Variants in ARHGAP26 observed in about 807,000 individuals in gnomAD.
ARHGAP26 encodes rho GTPase-activating protein 26.
In ARHGAP26, 38 loss-of-function variants were observed where a neutral mutation model predicts 104.8. The observed-to-expected ratio is 0.36, with a 90% confidence interval of 0.28 to 0.48. The LOEUF (loss-of-function observed/expected upper bound fraction) is 0.48. Ranked by LOEUF, ARHGAP26 falls within the 20% of genes least tolerant of loss-of-function variation. The pLI is 0.99. For missense variants in ARHGAP26, 704 were observed against 947.9 expected (o/e 0.74, Z 3.38); for synonymous variants, 341 against 340.0 (o/e 1.00, Z -0.03).
intron 10 of ARHGAP26, among the ~76,000 whole-genome samples, chr5:142,918,303 C>T (rs1336632528): frequency 2.0e-5 from 3 of 152,176 alleles, no homozygotes; most frequent in East Asian, 1.9e-4. Flanking sequence ...TGCACCACCC[C>T]GTCTGGCTAA....
rs916187460 is a variant in ARHGAP26, at chr5:143,071,214, G to A, written c.1538+13467G>A. On this transcript the variant is annotated intron_variant, in intron 17 of 22. Coordinates refer to ENST00000645722, the MANE Select transcript of ARHGAP26 (RefSeq NM_001135608.3). ...CAAAGCTAGAGGTATCACACTACCT[G>A]ACCTCAAAATATACTACGAAGCTGT... Among the ~76,000 whole-genome samples the A allele has an allele frequency of 3.4e-5, 5 of 146,154 alleles. No individual in the cohort carries two copies. In the South Asian group the frequency reaches 6.8e-4, roughly 20 times the overall value.
intron 20 of ARHGAP26, among the ~76,000 whole-genome samples, chr5:143,149,072 G>A (rs1243027865): frequency 6.6e-6 from 1 of 151,982 alleles, no homozygotes; most frequent in Non-Finnish European, 1.5e-5. Context: ...AGAAGGCTTG[G>A]GATTTTTTGT....
intron 17 of ARHGAP26, among the ~76,000 whole-genome samples, chr5:143,094,364 T>C (rs1231791063): frequency 6.6e-6 from 1 of 152,186 alleles, no homozygotes; most frequent in African/African-American, 2.4e-5. Context: ...CTCGCGTTGC[T>C]GAGAGCTCAG....
chr5:143,001,065 A>G (rs1158519842), intron 11 of ARHGAP26, among the ~76,000 whole-genome samples: 1 of 152,190 alleles, frequency 6.6e-6, no homozygotes, highest in Non-Finnish European at 1.5e-5. Flanking sequence ...AGTGAAACAG[A>G]GTAGCTATAA....
chr5:143,135,142 A>G (rs1002623436), intron 19 of ARHGAP26, among the ~76,000 whole-genome samples: 42 of 152,228 alleles, frequency 2.8e-4, no homozygotes, highest in African/African-American at 9.9e-4. Context: ...GTAGCAGAAC[A>G]CAGTGGTTAA....
In ARHGAP26 at chr5:142,885,795, C is replaced by T. The variant is rs144476329; in HGVS notation, c.486+396C>T. On this transcript the variant is annotated intron_variant, in intron 5 of 22. Transcript: ENST00000645722. ...TCAGTGATTTGAAATGTTAGCATCT[C>T]AAACACTTTGGTTATCCTTCCTTAA... Among the ~76,000 whole-genome samples the T allele has an allele frequency of 2.4e-4, 36 of 152,350 alleles. 1 individual carries two copies. The East Asian group carries it at 3.5e-3, about 15-fold the overall frequency.
chr5:143,213,519 C>T (rs1027182681), intron 21 of ARHGAP26, among the ~76,000 whole-genome samples: 12 of 152,222 alleles, frequency 7.9e-5, no homozygotes, highest in African/African-American at 2.4e-4. Flanking sequence ...CATGTCCGCC[C>T]GTGGCCTGGA....
Position 142,949,209 on chromosome 5 carries a change from GA to G in ARHGAP26, c.1107+17085del, listed in dbSNP as rs1562136756. ...AGAGAGAGAGAGAGAGAGAGAGAGA[GA>G]GAGAGAGAGAGGAGAGAGAGAGGAG... On this transcript the variant is annotated intron_variant, in intron 11 of 22. Coordinates refer to ENST00000645722, the MANE Select transcript of ARHGAP26 (RefSeq NM_001135608.3). 1.2e-3 allele frequency among the ~76,000 whole-genome samples: 78 copies of G among 62,960 alleles called. 3 individuals are homozygous for G. The highest frequency in any genetic ancestry group is 6.2e-3 in the African/African-American group (49 of 7,910). 41.3% of individuals were successfully genotyped at this position (62,960 alleles called of 152,430 possible). A position where few individuals can be genotyped will look rare whatever the true frequency, so the allele number is the denominator to read the frequency against.
intron 1 of ARHGAP26, among the ~76,000 whole-genome samples, chr5:142,788,975 G>A (rs1759226284): frequency 6.6e-6 from 1 of 152,238 alleles, no homozygotes; most frequent in Non-Finnish European, 1.5e-5. Context: ...CGGAAGCATA[G>A]AGAGATTAAG....
chr5:143,012,540 T>TATACATAC (rs1554195555), intron 11 of ARHGAP26, among the ~76,000 whole-genome samples: 1 of 41,070 alleles, frequency 2.4e-5, no homozygotes, highest in African/African-American at 7.9e-5. Context: ...GATATATTTA[T>TATACATAC]ATACATACAT....
intron 20 of ARHGAP26, among the ~76,000 whole-genome samples, chr5:143,170,982 G>A (rs1422535338): frequency 2.0e-5 from 3 of 152,144 alleles, no homozygotes; most frequent in Non-Finnish European, 2.9e-5. Context: ...CAGAGAATGA[G>A]TACCTAAAAA....
intron 12 of ARHGAP26, among the ~76,000 whole-genome samples, chr5:143,014,859 C>G (rs1779368980): frequency 6.6e-6 from 1 of 152,164 alleles, no homozygotes. Context: ...AAAGGAAATC[C>G]TGTCACCTTG....
chr5:143,158,522 C>T (rs942264384), intron 20 of ARHGAP26, among the ~76,000 whole-genome samples: 9 of 152,074 alleles, frequency 5.9e-5, no homozygotes, highest in African/African-American at 2.2e-4. Context: ...GCCTAGGACT[C>T]TGTGTTGATT....
At chr5:142,942,046 A>G (rs1472657169) in intron 11 of ARHGAP26, among the ~76,000 whole-genome samples, 1 of 152,114 alleles carries the variant, frequency 6.6e-6, no homozygotes, top group Non-Finnish European at 1.5e-5. Flanking sequence ...TGCCCAGCAC[A>G]GTGGCTGGCA....
intron 8 of ARHGAP26, among the ~76,000 whole-genome samples, chr5:142,905,905 G>A (rs1384805721): frequency 6.6e-6 from 1 of 152,074 alleles, no homozygotes; most frequent in Non-Finnish European, 1.5e-5. Context: ...ATCAATAATG[G>A]CCTTCTAAAG....
intron 17 of ARHGAP26, among the ~76,000 whole-genome samples, chr5:143,063,281 C>G (rs528899029): frequency 1.3e-5 from 2 of 152,282 alleles, no homozygotes; most frequent in African/African-American, 4.8e-5. Flanking sequence ...TCCTGTAGTC[C>G]AAGCTGCCAT....
intron 11 of ARHGAP26, among the ~76,000 whole-genome samples, chr5:142,989,312 A>C (rs1385129095): frequency 1.3e-5 from 2 of 151,210 alleles, no homozygotes; most frequent in Non-Finnish European, 2.9e-5. Flanking sequence ...TAGGATTGCA[A>C]CTCCTGCTTT....
At chr5:142,786,315 G>T (rs913876335) in intron 1 of ARHGAP26, among the ~76,000 whole-genome samples, 3 of 151,854 alleles carry the variant, frequency 2.0e-5, no homozygotes, top group Non-Finnish European at 4.4e-5. Flanking sequence ...ATTTCTTTAA[G>T]AGTTGGGGTC....
chr5:143,138,445 A>G (rs1798144892), intron 19 of ARHGAP26, among the ~76,000 whole-genome samples: 1 of 152,234 alleles, frequency 6.6e-6, no homozygotes. Context: ...ACCACTGAAT[A>G]TTTTAGTGAG....
Sources: gnomAD v4.1 joint callset for allele counts (sites outside exome capture counted in the v4.1 genomes callset) on GRCh38, gnomAD v4.1.1 for gene constraint, MANE v1.5 for transcripts, NCBI Gene and HGNC (gene_info 2026-07-23, HGNC 2026-07-21) for gene names.